The following GRK5 variants were observed in gnomAD, a reference collection of about 807,000 sequenced individuals.
GRK5 encodes the protein g protein-coupled receptor kinase GRK5.
A neutral mutation model predicts 78.4 loss-of-function variants in GRK5; 40 were observed. That is an observed-to-expected ratio of 0.51 (90% CI 0.40 to 0.66). The LOEUF is 0.66. Ranked by LOEUF, GRK5 falls within the 30% of genes least tolerant of loss-of-function variation. GRK5 has a pLI of 0.00. For synonymous variants in GRK5, 289 were observed against 296.8 expected (o/e 0.97, Z 0.27); for missense variants, 598 against 759.9 (o/e 0.79, Z 2.50).
chr10:119,344,736 G>A (rs1336388868), intron 2 of GRK5, among the ~76,000 whole-genome samples: 2 of 152,180 alleles, frequency 1.3e-5, no homozygotes, highest in African/African-American at 4.8e-5. Context: ...CATATTCCAG[G>A]TGCGGCTTAT....
chr10:119,352,902 A>T (rs1851208107), intron 2 of GRK5, among the ~76,000 whole-genome samples: 1 of 152,224 alleles, frequency 6.6e-6, no homozygotes, highest in South Asian at 2.1e-4. Context: ...TACGGGCAAG[A>T]GTAGGACCTG....
At chr10:119,208,887 C>T (rs188516810) in intron 1 of GRK5, among the ~76,000 whole-genome samples, 1 of 152,038 alleles carries the variant, frequency 6.6e-6, no homozygotes, top group East Asian at 1.9e-4. Context: ...TTAGGAATAC[C>T]TGGAATTTAT....
chr10:119,228,494 G>A (rs751013540), intron 1 of GRK5, among the ~76,000 whole-genome samples: 99 of 151,692 alleles, frequency 6.5e-4, no homozygotes, highest in Non-Finnish European at 1.3e-3. Flanking sequence ...GCCAGGCATG[G>A]TGGTGCATGC....
Position 119,380,674 on chromosome 10 carries a change from G to T in GRK5, c.149-141G>T, listed in dbSNP as rs1024130325. 8.5e-6 allele frequency: 5 copies of T among 585,064 alleles called. No homozygotes were observed. In the African/African-American group the frequency reaches 9.3e-5, roughly 11 times the overall value. The allele number at this position is 585,064 out of a possible 1,614,324, so 36.2% of individuals were successfully genotyped here. ...GTCTCTCTGAGTCTGTGAAGACCAT[G>T]AAATGAAGAAGGCGTTCTGAGAGTT... On this transcript the variant is annotated intron_variant, in intron 2 of 15. Transcript: ENST00000392870.
At chr10:119,346,605 CAT>C (rs751782253) in intron 2 of GRK5, among the ~76,000 whole-genome samples, 39 of 152,302 alleles carry the variant, frequency 2.6e-4, no homozygotes, top group Non-Finnish European at 2.4e-4. Flanking sequence ...CTCTCTGGGA[CAT>C]GTGGGCTGGA....
At chr10:119,209,170 C>T (rs1311701953) in intron 1 of GRK5, among the ~76,000 whole-genome samples, 2 of 152,132 alleles carry the variant, frequency 1.3e-5, no homozygotes, top group Non-Finnish European at 2.9e-5. Flanking sequence ...TTATTCAGCC[C>T]GTTCCATCAC....
At chr10:119,353,835 G>A (rs974163629) in intron 2 of GRK5, among the ~76,000 whole-genome samples, 5 of 151,512 alleles carry the variant, frequency 3.3e-5, no homozygotes, top group African/African-American at 1.2e-4. Flanking sequence ...GTTTGGAAAT[G>A]TCTTTTTTCC....
chr10:119,346,727 C>T (rs1369003621), intron 2 of GRK5, among the ~76,000 whole-genome samples: 1 of 152,132 alleles, frequency 6.6e-6, no homozygotes, highest in Admixed American at 6.5e-5. Context: ...GAAGACCATA[C>T]AGGGACTGGA....
At chr10:119,213,102 T>A (rs1848515298) in intron 1 of GRK5, 1 of 152,254 alleles carries the variant, frequency 6.6e-6, no homozygotes, top group East Asian at 1.9e-4. Context: ...CATCTGTGCA[T>A]AGCCACTGCC....
intron 1 of GRK5, among the ~76,000 whole-genome samples, chr10:119,275,896 G>T (rs530120804): frequency 1.5e-4 from 23 of 152,142 alleles, no homozygotes; most frequent in Non-Finnish European, 4.4e-5. Flanking sequence ...TTTGGGGACC[G>T]TCTCGCTAAG....
At chr10:119,292,206 TTCC>T (rs1297238480) in intron 1 of GRK5, among the ~76,000 whole-genome samples, 9 of 38,436 alleles carry the variant, frequency 2.3e-4, no homozygotes, top group South Asian at 1.1e-3. Flanking sequence ...CCTTCTCCTA[TTCC>T]TCCTCCTCCT....
intron 1 of GRK5, among the ~76,000 whole-genome samples, chr10:119,294,906 G>A (rs1379971558): frequency 2.6e-5 from 4 of 152,120 alleles, no homozygotes; most frequent in Non-Finnish European, 4.4e-5. Flanking sequence ...GGGCATGGTG[G>A]CTGGCTGGGT....
intron 2 of GRK5, among the ~76,000 whole-genome samples, chr10:119,344,564 G>T (rs1392363448): frequency 6.6e-6 from 1 of 152,142 alleles, no homozygotes; most frequent in Non-Finnish European, 1.5e-5. Flanking sequence ...TCCCTTCCCT[G>T]CTCTTTTTGG....
chr10:119,354,092 C>T (rs541297626), intron 2 of GRK5, among the ~76,000 whole-genome samples: 1 of 151,888 alleles, frequency 6.6e-6, no homozygotes, highest in East Asian at 1.9e-4. Context: ...TTCTGAAATA[C>T]ATGTGATCTC....
At chr10:119,398,834 G>A (rs559249645) in intron 4 of GRK5, among the ~76,000 whole-genome samples, 6 of 152,258 alleles carry the variant, frequency 3.9e-5, no homozygotes, top group African/African-American at 1.4e-4. Flanking sequence ...CTCCTCACCC[G>A]GCTTCACTGT....
chr10:119,233,945 C>T (rs1192665193), intron 1 of GRK5, among the ~76,000 whole-genome samples: 1 of 152,142 alleles, frequency 6.6e-6, no homozygotes, highest in Non-Finnish European at 1.5e-5. Flanking sequence ...GTGTTAGGAA[C>T]AATAGCTGTG....
chr10:119,446,045 C>G (rs1300417955), intron 12 of GRK5, among the ~76,000 whole-genome samples: 1 of 152,192 alleles, frequency 6.6e-6, no homozygotes, highest in Non-Finnish European at 1.5e-5. Flanking sequence ...GGCCTTAGCC[C>G]CCCTCCAGCT....
At chr10:119,421,543 C>T (rs1852569335) in intron 4 of GRK5, among the ~76,000 whole-genome samples, 1 of 152,220 alleles carries the variant, frequency 6.6e-6, no homozygotes, top group South Asian at 2.1e-4. Flanking sequence ...AAAGTTGTGA[C>T]CCGTGCTCTG....
At chr10:119,257,673 G>A (rs1459387016) in intron 1 of GRK5, among the ~76,000 whole-genome samples, 1 of 152,146 alleles carries the variant, frequency 6.6e-6, no homozygotes, top group Non-Finnish European at 1.5e-5. Flanking sequence ...ACAATGAGCC[G>A]AGATCATGCC....
Sources: gnomAD v4.1 joint callset for allele counts (sites outside exome capture counted in the v4.1 genomes callset) on GRCh38, gnomAD v4.1.1 for gene constraint, MANE v1.5 for transcripts, NCBI Gene and HGNC (gene_info 2026-07-23, HGNC 2026-07-21) for gene names.